UNC79: variants seen among roughly 807,000 people sequenced by gnomAD.
UNC79 encodes protein unc-79 homolog.
In UNC79, 37 loss-of-function variants were observed where a neutral mutation model predicts 283.1. The observed-to-expected ratio is 0.13, with a 90% CI of 0.10 to 0.17. The LOEUF (loss-of-function observed/expected upper bound fraction) is 0.17. Ranked by LOEUF, UNC79 falls within the 10% of genes least tolerant of loss-of-function variation. UNC79 has a pLI of 1.00. For missense variants in UNC79, 2,272 were observed against 3,211.1 expected (o/e 0.71, Z 7.07); for synonymous variants, 1,107 against 1,200.2 (o/e 0.92, Z 1.61).
At chr14:93,579,925 C>T (rs571246948) in intron 18 of UNC79, among the ~76,000 whole-genome samples, 6 of 152,290 alleles carry the variant, frequency 3.9e-5, no homozygotes, top group African/African-American at 1.4e-4. Flanking sequence ...ATTCCAATTG[C>T]TTCATCTTGT....
intron 18 of UNC79, among the ~76,000 whole-genome samples, chr14:93,578,478 C>G (rs551522496): frequency 6.6e-6 from 1 of 151,990 alleles, no homozygotes; most frequent in African/African-American, 2.4e-5. Flanking sequence ...TTCTTTTTAA[C>G]CTTTTATTTT....
intron 1 of UNC79, among the ~76,000 whole-genome samples, chr14:93,400,222 G>A (rs1385362312): frequency 1.3e-5 from 2 of 152,114 alleles, no homozygotes; most frequent in Non-Finnish European, 2.9e-5. Flanking sequence ...AGAAACTAAG[G>A]GAGTATCATG....
chr14:93,462,613 G>A (rs1428380610), intron 1 of UNC79, among the ~76,000 whole-genome samples: 4 of 152,238 alleles, frequency 2.6e-5, no homozygotes, highest in African/African-American at 9.6e-5. Flanking sequence ...GCTGAGTAAT[G>A]ACAGTGACGA....
At chr14:93,559,804 G>A (rs1298674186) in intron 14 of UNC79, among the ~76,000 whole-genome samples, 2 of 152,146 alleles carry the variant, frequency 1.3e-5, no homozygotes, top group African/African-American at 2.4e-5. Context: ...GGTCACAGGG[G>A]ATACGATGGC....
intron 1 of UNC79, among the ~76,000 whole-genome samples, chr14:93,423,400 A>G (rs1311562905): frequency 6.6e-6 from 1 of 152,140 alleles, no homozygotes; most frequent in Non-Finnish European, 1.5e-5. Flanking sequence ...ACCCAGAATA[A>G]CCAAAGCTAT....
intron 7 of UNC79, among the ~76,000 whole-genome samples, chr14:93,502,698 AG>A (rs2140717829): frequency 6.6e-6 from 1 of 152,338 alleles, no homozygotes; most frequent in South Asian, 2.1e-4. Flanking sequence ...TTTGAACTAT[AG>A]GACAAAAGAT....
intron 40 of UNC79, among the ~76,000 whole-genome samples, chr14:93,672,382 T>G (rs899639523): frequency 6.6e-6 from 1 of 151,782 alleles, no homozygotes; most frequent in Non-Finnish European, 1.5e-5. Context: ...GGAATTGGAG[T>G]TTGTTATGTT....
chr14:93,499,742 A>G (rs2059191161), intron 7 of UNC79, among the ~76,000 whole-genome samples: 1 of 152,148 alleles, frequency 6.6e-6, no homozygotes, highest in African/African-American at 2.4e-5. Context: ...GTGGGGACAC[A>G]CAGAAAGGGT....
At chr14:93,669,132 C>T (rs114319784) in intron 40 of UNC79, among the ~76,000 whole-genome samples, 3,601 of 152,030 alleles carry the variant, frequency 0.024, 114 homozygotes, top group African/African-American at 0.073. Flanking sequence ...GTAATTCTCA[C>T]AGAACAACCT....
At chr14:93,461,301 A>G (rs966706062) in intron 1 of UNC79, among the ~76,000 whole-genome samples, 4 of 152,240 alleles carry the variant, frequency 2.6e-5, no homozygotes, top group Non-Finnish European at 5.9e-5. Context: ...GAAAATGCTT[A>G]AGACTTAAAA....
exon 46 of UNC79, chr14:93,691,870 C>T (rs141618022): frequency 4.8e-5 from 78 of 1,614,172 alleles, no homozygotes; most frequent in Non-Finnish European, 5.6e-5. Context: ...TTCAGCTTCA[C>T]GGCGATACTG....
intron 14 of UNC79, among the ~76,000 whole-genome samples, chr14:93,558,644 T>G (rs2062352172): frequency 7.8e-6 from 1 of 128,226 alleles, no homozygotes; most frequent in Admixed American, 9.2e-5. Context: ...TTTTACCATT[T>G]ACTTAACTGG....
At chr14:93,437,429 T>C (rs532461115) in intron 1 of UNC79, 90 of 152,312 alleles carry the variant, frequency 5.9e-4, no homozygotes, top group African/African-American at 2.0e-3. Context: ...CAGATTTATG[T>C]GTCATCCTTG....
chr14:93,457,674 G>T (rs2056834613), intron 1 of UNC79, among the ~76,000 whole-genome samples: 1 of 152,212 alleles, frequency 6.6e-6, no homozygotes, highest in Non-Finnish European at 1.5e-5. Flanking sequence ...ATTTCAATCA[G>T]CAGAAAATGA....
intron 1 of UNC79, among the ~76,000 whole-genome samples, chr14:93,357,714 T>G (rs12887588): frequency 2.4e-5 from 3 of 125,008 alleles, no homozygotes; most frequent in Non-Finnish European, 3.3e-5. Context: ...TATATATATA[T>G]ATATATGGAT....
chr14:93,400,380 T>C (rs1229512020), intron 1 of UNC79, among the ~76,000 whole-genome samples: 1 of 152,156 alleles, frequency 6.6e-6, no homozygotes, highest in Non-Finnish European at 1.5e-5. Flanking sequence ...AAGGTTGATG[T>C]GGGTTATGTA....
intron 25 of UNC79, among the ~76,000 whole-genome samples, chr14:93,602,923 G>A (rs1382861471): frequency 6.6e-6 from 1 of 152,168 alleles, no homozygotes; most frequent in Non-Finnish European, 1.5e-5. Flanking sequence ...TTACAGGCAT[G>A]AGCCACCACA....
chr14:93,635,689 A>G (rs1261939488), intron 31 of UNC79, among the ~76,000 whole-genome samples: 1 of 152,228 alleles, frequency 6.6e-6, no homozygotes, highest in East Asian at 1.9e-4. Flanking sequence ...CCAATCTCAC[A>G]TTTAACAGAT....
chr14:93,412,275 C>A (rs2055351160), intron 1 of UNC79, among the ~76,000 whole-genome samples: 1 of 151,846 alleles, frequency 6.6e-6, no homozygotes, highest in Non-Finnish European at 1.5e-5. Context: ...GTGAAGCATG[C>A]CTACAGGATA....
Sources: gnomAD v4.1 joint callset for allele counts (sites outside exome capture counted in the v4.1 genomes callset) on GRCh38, gnomAD v4.1.1 for gene constraint, MANE v1.5 for transcripts, NCBI Gene and HGNC (gene_info 2026-07-23, HGNC 2026-07-21) for gene names.